NIM1K: variants seen among roughly 807,000 people sequenced by gnomAD.
The protein encoded by NIM1K is NIM1 serine/threonine protein kinase, also known as serine/threonine-protein kinase NIM1.
In NIM1K, 35 loss-of-function variants were observed where a neutral mutation model predicts 37.1. That is an observed-to-expected ratio of 0.94 (90% confidence interval 0.72 to 1.25). NIM1K has a LOEUF of 1.25. Among genes scored for constraint, NIM1K ranks in the 50% most tolerant of loss-of-function variants. The probability of loss-of-function intolerance (pLI) is 0.00; values close to 1 mark genes in which losing one functional copy is unlikely to be tolerated. For missense variants in NIM1K, 564 were observed against 548.0 expected (o/e 1.03, Z -0.29); for synonymous variants, 234 against 206.6 (o/e 1.13, Z -1.14).
At chr5:43,210,853 T>G (rs1241136655) in intron 1 of NIM1K, among the ~76,000 whole-genome samples, 4 of 152,298 alleles carry the variant, frequency 2.6e-5, no homozygotes, top group South Asian at 2.1e-4. Context: ...TTATCTACCA[T>G]CACATCTTGA....
At chr5:43,229,431 G>T (rs1017589791) in intron 1 of NIM1K, among the ~76,000 whole-genome samples, 4 of 150,270 alleles carry the variant, frequency 2.7e-5, no homozygotes, top group African/African-American at 9.8e-5. Context: ...TTGCCTGAAG[G>T]TATAAATAAT....
At chr5:43,196,942 C>CTTTTTTTTT (rs774125135) in intron 1 of NIM1K, among the ~76,000 whole-genome samples, 1 of 82,776 alleles carries the variant, frequency 1.2e-5, no homozygotes, top group Non-Finnish European at 2.2e-5. Flanking sequence ...CCATGCCCAG[C>CTTTTTTTTT]TTTTTTTTTT....
intron 1 of NIM1K, among the ~76,000 whole-genome samples, chr5:43,228,799 C>T (rs1752497513): frequency 6.6e-6 from 1 of 152,024 alleles, no homozygotes; most frequent in Non-Finnish European, 1.5e-5. Context: ...CCACTGTACT[C>T]CAGCCTGGGT....
chr5:43,266,854 G>C, intron 2 of NIM1K, among the ~76,000 whole-genome samples: 1 of 152,116 alleles, frequency 6.6e-6, no homozygotes. Context: ...TCTGTTTGCT[G>C]GTATTTTGTT....
intron 1 of NIM1K, among the ~76,000 whole-genome samples, chr5:43,235,872 C>T (rs1752614004): frequency 1.3e-5 from 2 of 151,490 alleles, no homozygotes; most frequent in South Asian, 2.1e-4. Context: ...ATGATTCTCC[C>T]ATGAAACCTA....
At chr5:43,243,142 T>G (rs1459538289) in intron 1 of NIM1K, among the ~76,000 whole-genome samples, 1 of 152,134 alleles carries the variant, frequency 6.6e-6, no homozygotes, top group Non-Finnish European at 1.5e-5. Flanking sequence ...AGTACATTAG[T>G]GACAAGGACA....
chr5:43,255,770 G>GAAAGAA (rs1343015826), intron 2 of NIM1K, among the ~76,000 whole-genome samples: 2 of 150,044 alleles, frequency 1.3e-5, no homozygotes, highest in Admixed American at 1.3e-4. Context: ...AAGAAAGAAA[G>GAAAGAA]AAAGAAAGAG....
In NIM1K at chr5:43,280,243, C is replaced by G. The variant is rs751385828; in HGVS notation, c.825C>G (p.Thr275=). The change falls in exon 4 of 4, where the codon ACC becomes ACG. Residue 275 remains threonine (T), a synonymous_variant. Coordinates refer to ENST00000326035, the MANE Select transcript of NIM1K (RefSeq NM_153361.4). ...VTGTMPFRAE[T]VAKLKKSILE... ...GCACCATGCCATTTCGGGCAGAAAC[C>G]GTGGCCAAACTAAAAAAGAGCATCC... 1.2e-6 allele frequency: 2 copies of G among 1,614,002 alleles called. No individual in the cohort carries two copies. The highest frequency in any genetic ancestry group is 8.5e-7 in the Non-Finnish European group (1 of 1,180,032).
intron 2 of NIM1K, among the ~76,000 whole-genome samples, chr5:43,274,735 C>T (rs1753312725): frequency 6.6e-6 from 1 of 152,188 alleles, no homozygotes; most frequent in Non-Finnish European, 1.5e-5. Flanking sequence ...GGCTGGCTGC[C>T]GCAGACACCA....
intron 1 of NIM1K, among the ~76,000 whole-genome samples, chr5:43,201,863 G>A (rs959644806): frequency 4.6e-5 from 7 of 151,730 alleles, no homozygotes; most frequent in Non-Finnish European, 7.4e-5. Context: ...GGAGGCTGAG[G>A]CAGGAGAATC....
At chr5:43,244,064 C>T (rs1752742684) in intron 1 of NIM1K, among the ~76,000 whole-genome samples, 1 of 152,172 alleles carries the variant, frequency 6.6e-6, no homozygotes, top group African/African-American at 2.4e-5. Flanking sequence ...CTCTTTACTT[C>T]CCTTATTTAT....
intron 2 of NIM1K, among the ~76,000 whole-genome samples, chr5:43,252,930 CTTTA>C (rs1752885864): frequency 6.7e-6 from 1 of 150,100 alleles, no homozygotes; most frequent in African/African-American, 2.4e-5. Context: ...CTTCCTCCCA[CTTTA>C]TTTATCTATT....
intron 1 of NIM1K, chr5:43,207,616 G>A (rs997733371): frequency 1.6e-6 from 1 of 644,878 alleles, no homozygotes; most frequent in Non-Finnish European, 3.0e-6. Flanking sequence ...AACAGGATGG[G>A]AAATACTTTA....
At chr5:43,250,485 G>C (rs931971392) in intron 2 of NIM1K, among the ~76,000 whole-genome samples, 9 of 152,142 alleles carry the variant, frequency 5.9e-5, no homozygotes, top group East Asian at 1.9e-4. Flanking sequence ...GAAGTTAGCT[G>C]TCTTGGTCAG....
At chr5:43,213,216 TCTTTC>T (rs760574160) in intron 1 of NIM1K, among the ~76,000 whole-genome samples, 2,303 of 61,726 alleles carry the variant, frequency 0.037, 74 homozygotes, top group African/African-American at 0.074. Flanking sequence ...TTTCTTTCTT[TCTTTC>T]TTTCCTTCTT....
intron 2 of NIM1K, among the ~76,000 whole-genome samples, chr5:43,253,083 T>C (rs1020345584): frequency 6.7e-6 from 1 of 148,898 alleles, no homozygotes; most frequent in African/African-American, 2.5e-5. Context: ...GCTCAAGTGA[T>C]TCACCCACCT....
chr5:43,246,077 G>A lies in NIM1K; in HGVS notation c.292+10G>A, dbSNP rs770237379. On this transcript the variant is annotated intron_variant, in intron 2 of 3. Coordinates refer to ENST00000326035, the MANE Select transcript of NIM1K (RefSeq NM_153361.4). ...CACTCCCTAACCAAAGGTAGGATCC[G>A]ACTTCCCAAGGGTCATCCCTGGCAG... is the stretch of plus-strand genomic sequence containing the variant. The A allele has an allele frequency of 2.8e-5, 44 of 1,599,712 alleles. No individual in the cohort carries two copies. The highest frequency in any genetic ancestry group is 3.7e-5 in the Non-Finnish European group (43 of 1,172,268).
intron 1 of NIM1K, chr5:43,232,903 T>G (rs1752563004): frequency 8.7e-7 from 1 of 1,149,190 alleles, no homozygotes. Context: ...GATGAGCTGC[T>G]CAGGGTGGAA....
intron 1 of NIM1K, among the ~76,000 whole-genome samples, chr5:43,229,952 T>C (rs915666702): frequency 1.9e-4 from 29 of 152,266 alleles, no homozygotes; most frequent in African/African-American, 6.5e-4. Flanking sequence ...CTCTTTTTTT[T>C]TTTCTTTAAG....
Sources: gnomAD v4.1 joint callset for allele counts (sites outside exome capture counted in the v4.1 genomes callset) on GRCh38, gnomAD v4.1.1 for gene constraint, MANE v1.5 for transcripts, NCBI Gene and HGNC (gene_info 2026-07-23, HGNC 2026-07-21) for gene names.